The following FOXP1 variants were observed in gnomAD, a reference collection of about 807,000 sequenced individuals.
FOXP1 encodes forkhead box protein P1.
FOXP1 carries 15 observed loss-of-function variants against 98.2 expected under a neutral mutation model. The ratio of observed to expected loss-of-function variants is 0.15; its 90% CI spans 0.10 to 0.24. FOXP1 has a LOEUF of 0.24. Among genes scored for constraint, FOXP1 ranks in the 10% least tolerant of loss-of-function variants. The pLI, the probability that FOXP1 is intolerant of heterozygous loss-of-function variation, is 1.00. For missense variants in FOXP1, 633 were observed against 848.5 expected (o/e 0.75, Z 3.15); for synonymous variants, 371 against 314.5 (o/e 1.18, Z -1.90).
chr3:71,364,146 T>C (rs1165169341), intron 3 of FOXP1, among the ~76,000 whole-genome samples: 1 of 152,228 alleles, frequency 6.6e-6, no homozygotes, highest in East Asian at 1.9e-4. Context: ...AATTCTGGAA[T>C]GTTGGTTACA....
At chr3:71,074,937 GAGAC>G (rs944634619) in intron 7 of FOXP1, among the ~76,000 whole-genome samples, 1 of 152,192 alleles carries the variant, frequency 6.6e-6, no homozygotes, top group Admixed American at 6.5e-5. Context: ...GCTGGAAAGA[GAGAC>G]AGACAGACAG....
chr3:71,539,506 CAA>C (rs34557857), intron 2 of FOXP1, among the ~76,000 whole-genome samples: 175 of 144,676 alleles, frequency 1.2e-3, no homozygotes, highest in Non-Finnish European at 1.4e-3. Flanking sequence ...CGATTTCTGC[CAA>C]AAAAAAAAAA....
At chr3:71,413,435 C>T (rs944744054) in intron 3 of FOXP1, among the ~76,000 whole-genome samples, 2 of 152,118 alleles carry the variant, frequency 1.3e-5, no homozygotes, top group Non-Finnish European at 2.9e-5. Context: ...CATGCCCACA[C>T]ACACATATAC....
intron 20 of FOXP1, among the ~76,000 whole-genome samples, chr3:70,964,127 G>A (rs1331344656): frequency 1.3e-5 from 2 of 152,236 alleles, no homozygotes; most frequent in African/African-American, 2.4e-5. Context: ...GGAATCTGCT[G>A]TTGACATATA....
intron 6 of FOXP1, among the ~76,000 whole-genome samples, chr3:71,171,001 G>C (rs2061626030): frequency 6.6e-6 from 1 of 151,904 alleles, no homozygotes; most frequent in African/African-American, 2.4e-5. Flanking sequence ...AGGCGGGCAT[G>C]ATTCTTCACC....
intron 1 of FOXP1, 193 bp downstream of exon 1, chr3:71,583,378 G>T: frequency 1.2e-6 from 1 of 838,756 alleles, no homozygotes. Context: ...AGGAAGAGAG[G>T]GGAGGGCTGG....
chr3:71,113,178 G>C (rs1008603083), intron 6 of FOXP1, among the ~76,000 whole-genome samples: 1 of 152,120 alleles, frequency 6.6e-6, no homozygotes, highest in Non-Finnish European at 1.5e-5. Context: ...AAACAGATGA[G>C]ACATACCTAG....
At chr3:71,285,449 A>C (rs539380456) in intron 5 of FOXP1, among the ~76,000 whole-genome samples, 1 of 152,292 alleles carries the variant, frequency 6.6e-6, no homozygotes, top group Non-Finnish European at 1.5e-5. Context: ...GGGAGGAGAG[A>C]CACAGAGGGA....
chr3:71,032,803 TGGCTTAAGA>T (rs1418402815), intron 11 of FOXP1, among the ~76,000 whole-genome samples: 3 of 152,184 alleles, frequency 2.0e-5, no homozygotes, highest in Non-Finnish European at 4.4e-5. Flanking sequence ...GCTCCAGTAT[TGGCTTAAGA>T]GCATAAGACT....
chr3:71,308,077 C>G (rs977075609), intron 4 of FOXP1, among the ~76,000 whole-genome samples: 1 of 151,710 alleles, frequency 6.6e-6, no homozygotes, highest in Non-Finnish European at 1.5e-5. Flanking sequence ...GTGACACATA[C>G]TGATGCACAG....
chr3:71,514,625 G>A (rs999699249), intron 2 of FOXP1, among the ~76,000 whole-genome samples: 2 of 152,196 alleles, frequency 1.3e-5, no homozygotes, highest in African/African-American at 2.4e-5. Flanking sequence ...ATTCTGTGAA[G>A]GCTCTCCCCC....
chr3:71,429,042 C>T lies in FOXP1; in HGVS notation c.-168+64384G>A, dbSNP rs559853839. ...GTCGGCTGACATTTTTTGCTATTTC[C>T]GTTATTACAGCCGGCAAGCACGAGG... On this transcript the variant is annotated intron_variant, in intron 3 of 20. Transcript: ENST00000649528. 8.5e-5 allele frequency among the ~76,000 whole-genome samples: 13 copies of T among 152,258 alleles called. No individual in the cohort carries two copies. In the South Asian group the frequency reaches 1.4e-3, roughly 17 times the overall value.
chr3:71,224,859 G>A (rs139324286), intron 5 of FOXP1, among the ~76,000 whole-genome samples: 4 of 152,350 alleles, frequency 2.6e-5, no homozygotes, highest in Admixed American at 2.0e-4. Flanking sequence ...ACATGATAAT[G>A]TAGGCAATGT....
chr3:71,003,525 A>G (rs1430779861), intron 12 of FOXP1, among the ~76,000 whole-genome samples: 6 of 152,126 alleles, frequency 3.9e-5, no homozygotes, highest in Non-Finnish European at 1.5e-5. Flanking sequence ...AATAAGAAAG[A>G]TGGAATCTGT....
chr3:71,216,978 T>C (rs1470771159), intron 5 of FOXP1, among the ~76,000 whole-genome samples: 2 of 152,204 alleles, frequency 1.3e-5, no homozygotes, highest in Non-Finnish European at 2.9e-5. Flanking sequence ...GCCCCTACAG[T>C]AAAAATTACC....
intron 5 of FOXP1, among the ~76,000 whole-genome samples, chr3:71,270,398 A>T (rs1439999675): frequency 6.6e-6 from 1 of 152,176 alleles, no homozygotes; most frequent in Non-Finnish European, 1.5e-5. Context: ...GGCTCTAAAA[A>T]CATTTTATCA....
intron 3 of FOXP1, among the ~76,000 whole-genome samples, chr3:71,359,672 T>C (rs1244476972): frequency 6.6e-6 from 1 of 152,158 alleles, no homozygotes. Flanking sequence ...CCTTGAACTA[T>C]AGGTGTGCGC....
chr3:70,988,604 G>T (rs899644121), intron 13 of FOXP1, among the ~76,000 whole-genome samples: 2 of 152,204 alleles, frequency 1.3e-5, no homozygotes, highest in Non-Finnish European at 2.9e-5. Context: ...TCAAACGAGT[G>T]TAGAACAAGC....
intron 6 of FOXP1, among the ~76,000 whole-genome samples, chr3:71,174,928 T>C: frequency 6.6e-6 from 1 of 151,556 alleles, no homozygotes; most frequent in African/African-American, 2.4e-5. Flanking sequence ...TTTTTTTTTT[T>C]TTGAGATGGA....
Sources: allele counts gnomAD v4.1 joint callset (sites outside exome capture counted in the v4.1 genomes callset), GRCh38; gene constraint gnomAD v4.1.1; transcripts MANE v1.5; gene names NCBI Gene and HGNC (gene_info 2026-07-23, HGNC 2026-07-21).